The following ZNF74 variants were observed in gnomAD, a reference collection of about 807,000 sequenced individuals.
ZNF74 encodes zinc finger protein 520.
ZNF74 carries 12 observed loss-of-function variants against 17.7 expected under a neutral mutation model. The observed-to-expected ratio is 0.68, with a 90% CI of 0.43 to 1.10. The LOEUF is 1.10. Ranked by LOEUF, ZNF74 falls within the 50% of genes least tolerant of loss-of-function variation. ZNF74 has a pLI of 0.00. For missense variants in ZNF74, 811 were observed against 881.0 expected, an observed-to-expected ratio of 0.92 and a Z score of 1.01; for synonymous variants, 358 against 362.1, an observed-to-expected ratio of 0.99 and a Z score of 0.13.
chr22:20,402,801 CAAAAAA>C (rs361884), intron 4 of ZNF74, among the ~76,000 whole-genome samples: 4,164 of 107,534 alleles, frequency 0.039, 457 homozygotes, highest in East Asian at 0.35. Flanking sequence ...AATTCCATCT[CAAAAAA>C]AAAAAAAAAA....
In ZNF74 at chr22:20,400,724, G is replaced by C. The variant is rs2052347864; in HGVS notation, c.213G>C (p.Val71=). Residue 71 remains valine (V), a synonymous_variant, in exon 3 of 5, where the codon GTG becomes GTC. Coordinates refer to ENST00000400451, the MANE Select transcript of ZNF74 (RefSeq NM_003426.4). Reference sequence around the variant, plus strand: ...CTCAGAGGGCCTTGTACCGGGATGTGATGTTGGAGAACTACCAGAACCTTC... The same window carrying C: ...CTCAGAGGGCCTTGTACCGGGATGTCATGTTGGAGAACTACCAGAACCTTC... ...DSPQRALYRD[V]MLENYQNLLA... The C allele has an allele frequency of 2.5e-6, 4 of 1,614,144 alleles. No homozygotes were observed. In the South Asian group the frequency reaches 4.4e-5, roughly 18 times the overall value.
At chr22:20,403,028 A>C (rs2052376602) in intron 4 of ZNF74, among the ~76,000 whole-genome samples, 1 of 152,256 alleles carries the variant, frequency 6.6e-6, no homozygotes, top group African/African-American at 2.4e-5. Flanking sequence ...CTCACGCCGG[A>C]GTCTGGCTAC....
intron 3 of ZNF74, 59 bp downstream of exon 3, chr22:20,400,817 A>G: frequency 1.9e-6 from 3 of 1,579,436 alleles, no homozygotes. Context: ...TACATGGTAG[A>G]TATTAAGGAG....
chr22:20,394,600 C>A lies in ZNF74; in HGVS notation c.-29C>A. 2 of 1,613,870 alleles carry A rather than the reference C, an allele frequency of 1.2e-6. No homozygotes were observed. The highest frequency in any genetic ancestry group is 1.7e-6 in the Non-Finnish European group (2 of 1,179,770). ...ATCCTGGAGGCTACACAGCTGCCCA[C>A]TCCTCCTGGGGAGGCTGCCGTGGAG... On this transcript the variant is annotated 5_prime_UTR_variant, in exon 1 of 5. Transcript: ENST00000400451.
chr22:20,399,571 C>CTTTT, intron 2 of ZNF74: 55 of 341,738 alleles, frequency 1.6e-4, no homozygotes, highest in Middle Eastern at 9.8e-4. Flanking sequence ...TTTACATGTC[C>CTTTT]TTTTTTTTTT....
chr22:20,400,204 C>T (rs2052341676), intron 2 of ZNF74: 1 of 178,486 alleles, frequency 5.6e-6, no homozygotes, highest in Admixed American at 5.4e-5. Context: ...GGGATCGGAT[C>T]CTTTTGCGTT....
chr22:20,407,714 A>G lies in ZNF74; in HGVS notation c.*746A>G, dbSNP rs563397635. On this transcript the variant is annotated 3_prime_UTR_variant, in exon 5 of 5. Coordinates refer to ENST00000400451, the MANE Select transcript of ZNF74 (RefSeq NM_003426.4). ...CCAGTGAACATTATTATATTGCTAG[A>G]GAGGAGAATAATCTTGGGTGGTGGG... The G allele has an allele frequency of 6.6e-6, 1 of 152,334 alleles. No homozygotes were observed. Among genetic ancestry groups the G allele is most frequent in the African/African-American group, 2.4e-5 (1 of 41,584 alleles). 9.4% of individuals were successfully genotyped at this position (152,334 alleles called of 1,614,324 possible). A position where few individuals can be genotyped will look rare whatever the true frequency, so the allele number is the denominator to read the frequency against.
chr22:20,402,183 C>CG (rs2052365999), intron 4 of ZNF74, among the ~76,000 whole-genome samples: 1 of 152,086 alleles, frequency 6.6e-6, no homozygotes, highest in Admixed American at 6.6e-5. Context: ...GCACAGAACA[C>CG]GGGGGTCGGG....
At chr22:20,403,802 C>A (rs920820896) in intron 4 of ZNF74, among the ~76,000 whole-genome samples, 2 of 152,048 alleles carry the variant, frequency 1.3e-5, no homozygotes, top group African/African-American at 4.8e-5. Context: ...CGTCAAGACA[C>A]CATATGATCA....
At chr22:20,403,683 C>G (rs1477850736) in intron 4 of ZNF74, among the ~76,000 whole-genome samples, 2 of 152,098 alleles carry the variant, frequency 1.3e-5, no homozygotes, top group East Asian at 1.9e-4. Flanking sequence ...GCAGGAGGAC[C>G]ACTTGAGCCC....
At position 20,407,583 on chromosome 22, in the gene ZNF74, T is replaced by C. The variant is rs151182446; in HGVS notation, c.*615T>C. On this transcript the variant is annotated 3_prime_UTR_variant, in exon 5 of 5. Coordinates refer to ENST00000400451, the MANE Select transcript of ZNF74 (RefSeq NM_003426.4). The stretch of plus-strand genomic sequence containing the variant: ...AAATTAAAAGGAGGTATATCAACTG[T>C]TGTATCCTCGGACGGGCTCCTGACA... The C allele has an allele frequency of 2.0e-5, 3 of 152,464 alleles. No homozygotes were observed. The highest frequency in any genetic ancestry group is 7.2e-5 in the African/African-American group (3 of 41,560). The allele number at this position is 152,464 out of a possible 1,614,324, so 9.4% of individuals were successfully genotyped here.
chr22:20,396,991 A>G (rs1040580354), intron 2 of ZNF74, among the ~76,000 whole-genome samples: 2 of 151,968 alleles, frequency 1.3e-5, no homozygotes, highest in South Asian at 2.1e-4. Flanking sequence ...TTTGCTCCCC[A>G]CACTGAAGCC....
At chr22:20,404,617 G>A (rs376185698) in intron 4 of ZNF74, among the ~76,000 whole-genome samples, 1 of 152,140 alleles carries the variant, frequency 6.6e-6, no homozygotes, top group Admixed American at 6.5e-5. Flanking sequence ...ACCGCGCCCA[G>A]CCTCTTGTAG....
Position 20,405,871 on chromosome 22 carries a change from G to C in ZNF74, c.838G>C (p.Glu280Gln). The change falls in exon 5 of 5, where the codon GAA becomes CAA. Residue 280 changes from glutamate to glutamine, a missense_variant. Glu to Gln is a conservative substitution (Grantham distance 29). This residue lies in a region of ZNF74 where 666 missense variants were observed against 702.3 expected (regional missense o/e 0.95). Transcript: ENST00000400451. ...CCGGGAGAAGGCTTACAAGTGCGATGAATGCGGCAAGGCCTTCACCTGGAG... is the reference window on the plus strand; with the variant it reads ...CCGGGAGAAGGCTTACAAGTGCGATCAATGCGGCAAGGCCTTCACCTGGAG... ...HSREKAYKCD[E>Q]CGKAFTWSTN... 1 of 1,613,820 alleles carries C rather than the reference G, an allele frequency of 6.2e-7. No homozygotes were observed. Among genetic ancestry groups the C allele is most frequent in the Non-Finnish European group, 8.5e-7 (1 of 1,179,932 alleles).
chr22:20,394,250 G>T lies in ZNF74; in HGVS notation c.-379G>T. ...CTCAGACCGTCGGCGGTCTCTGTCC[G>T]CTTCGGGACCTGTCCGCTGGTCGCT... On this transcript the variant is annotated 5_prime_UTR_variant, in exon 1 of 5. Coordinates refer to ENST00000400451, the MANE Select transcript of ZNF74 (RefSeq NM_003426.4). 1 of 704,704 alleles carries T rather than the reference G, an allele frequency of 1.4e-6. No individual in the cohort carries two copies. The highest frequency in any genetic ancestry group is 1.5e-5 in the South Asian group (1 of 67,258). The allele number at this position is 704,704 out of a possible 1,614,324, so 43.7% of individuals were successfully genotyped here. A position where few individuals can be genotyped will look rare whatever the true frequency, so the allele number is the denominator to read the frequency against.
In ZNF74 at chr22:20,406,918, C is replaced by T; in HGVS notation, c.1885C>T (p.Pro629Ser). The T allele has an allele frequency of 1.9e-6, 3 of 1,613,650 alleles. No homozygotes were observed. The highest frequency in any genetic ancestry group is 2.5e-6 in the Non-Finnish European group (3 of 1,179,886). ...TGTGGCAAAGCTCTTGTGCGTGGTT[C>T]CCCCCAGAGCTGGCAGGAATTTCTC... Reference protein sequence around the residue: ...LDVAKLLCVVPPRAGRNFSLG... With the variant: ...LDVAKLLCVVSPRAGRNFSLG... Residue 629 changes from proline to serine, a missense_variant, in exon 5 of 5, where the codon CCC becomes TCC. Transcript: ENST00000400451.
chr22:20,402,756 G>A (rs1268114659), intron 4 of ZNF74, among the ~76,000 whole-genome samples: 3 of 146,948 alleles, frequency 2.0e-5, no homozygotes, highest in Admixed American at 7.0e-5. Context: ...AGCTGAGATC[G>A]TGCCATTGCA....
chr22:20,395,913 A>C (rs361927), intron 2 of ZNF74, among the ~76,000 whole-genome samples: 1 of 151,820 alleles, frequency 6.6e-6, no homozygotes, highest in Non-Finnish European at 1.5e-5. Flanking sequence ...CTCTGTACCC[A>C]GCCCCTGGCA....
In ZNF74 at chr22:20,401,097, G is replaced by C; in HGVS notation, c.248-180G>C. 1 of 604,280 alleles carries C rather than the reference G, an allele frequency of 1.7e-6. No individual in the cohort carries two copies. The highest frequency in any genetic ancestry group is 3.0e-6 in the Non-Finnish European group (1 of 338,672). The allele number at this position is 604,280 out of a possible 1,614,324, so 37.4% of individuals were successfully genotyped here. ...GACGTCAGCACACGTGGGGTCTTCAGAGTATACACTGGGATTTGGGTTCCA... is the reference window on the plus strand; with the variant it reads ...GACGTCAGCACACGTGGGGTCTTCACAGTATACACTGGGATTTGGGTTCCA... On this transcript the variant is annotated intron_variant, in intron 3 of 4. Transcript: ENST00000400451. The surrounding 1 kb of genome is among the most constrained non-coding windows in gnomAD (Gnocchi z 4.2).
Sources: gnomAD v4.1 joint callset for allele counts (sites outside exome capture counted in the v4.1 genomes callset) on GRCh38, gnomAD v4.1.1 for gene constraint, gnomAD v4.1.1 regional missense constraint, Gnocchi (gnomAD v3.1) non-coding constraint, MANE v1.5 for transcripts, NCBI Gene and HGNC (gene_info 2026-07-23, HGNC 2026-07-21) for gene names.